The following PVT1 variants were observed in gnomAD, a reference collection of about 807,000 sequenced individuals.
PVT1 encodes the protein Pvt1 oncogene, also known as CXCR4/PVT1 fusion.
chr8:127,939,277 A>G (rs1816315620), intron 3 of PVT1, among the ~76,000 whole-genome samples: 1 of 152,130 alleles, frequency 6.6e-6, no homozygotes, highest in Non-Finnish European at 1.5e-5. Flanking sequence ...GTACCCTGAT[A>G]TGGGATGGTT....
chr8:128,045,805 T>C (rs534302611), intron 4 of PVT1, among the ~76,000 whole-genome samples: 1 of 152,340 alleles, frequency 6.6e-6, no homozygotes. Context: ...TGCCATGTTT[T>C]CCTTTCCTGT....
intron 2 of PVT1, among the ~76,000 whole-genome samples, chr8:127,799,473 G>A (rs1159622486): frequency 2.6e-5 from 4 of 152,224 alleles, no homozygotes; most frequent in African/African-American, 7.2e-5. Context: ...ACAGTCAACA[G>A]TCATTATCTT....
At chr8:127,935,973 G>A (rs768710700) in intron 3 of PVT1, among the ~76,000 whole-genome samples, 3 of 150,578 alleles carry the variant, frequency 2.0e-5, no homozygotes, top group Non-Finnish European at 3.0e-5. Context: ...GGTGGAAGTG[G>A]TTTGAATGAG....
At chr8:127,937,046 G>T (rs1045372964) in intron 3 of PVT1, among the ~76,000 whole-genome samples, 1 of 152,140 alleles carries the variant, frequency 6.6e-6, no homozygotes, top group Non-Finnish European at 1.5e-5. Flanking sequence ...TTTAAGTCCA[G>T]ACCAAGTCAC....
chr8:127,884,422 C>T (rs1815502588), intron 2 of PVT1, among the ~76,000 whole-genome samples: 1 of 152,226 alleles, frequency 6.6e-6, no homozygotes, highest in Non-Finnish European at 1.5e-5. Flanking sequence ...AATAGAGCTG[C>T]TGTGATATCC....
intron 2 of PVT1, among the ~76,000 whole-genome samples, chr8:127,861,953 C>T (rs562260702): frequency 3.3e-5 from 5 of 152,290 alleles, no homozygotes; most frequent in Non-Finnish European, 7.3e-5. Flanking sequence ...TTGGCAGAGC[C>T]ACCCACACCC....
At chr8:127,804,296 C>T (rs546085881) in intron 2 of PVT1, among the ~76,000 whole-genome samples, 4 of 152,202 alleles carry the variant, frequency 2.6e-5, no homozygotes, top group Admixed American at 2.0e-4. Context: ...GAGTTGAATA[C>T]AAACAATACA....
intron 2 of PVT1, among the ~76,000 whole-genome samples, chr8:127,820,484 T>C (rs1452885988): frequency 1.3e-5 from 2 of 152,184 alleles, no homozygotes; most frequent in Non-Finnish European, 2.9e-5. Context: ...ATGAACAGAA[T>C]GGTTCATTAA....
chr8:127,915,561 G>A (rs546648499), intron 3 of PVT1, among the ~76,000 whole-genome samples: 1 of 139,096 alleles, frequency 7.2e-6, no homozygotes, highest in East Asian at 2.1e-4. Context: ...GTGGTGAGCC[G>A]AGATTGCATC....
At chr8:128,049,692 G>A (rs950578483) in intron 4 of PVT1, among the ~76,000 whole-genome samples, 9 of 152,228 alleles carry the variant, frequency 5.9e-5, no homozygotes, top group African/African-American at 1.9e-4. Flanking sequence ...CAGGCGGGGA[G>A]TGAGGTCAGG....
At chr8:127,978,494 A>G (rs1179936154) in intron 3 of PVT1, among the ~76,000 whole-genome samples, 1 of 148,990 alleles carries the variant, frequency 6.7e-6, no homozygotes, top group Non-Finnish European at 1.5e-5. Flanking sequence ...TATTATTATT[A>G]TTATTAAACG....
At chr8:127,846,980 CTTTTTT>C (rs34437112) in intron 2 of PVT1, among the ~76,000 whole-genome samples, 1 of 62,428 alleles carries the variant, frequency 1.6e-5, no homozygotes, top group Non-Finnish European at 2.9e-5. Context: ...TGCACATGGC[CTTTTTT>C]TTTTTTTTTT....
intron 3 of PVT1, among the ~76,000 whole-genome samples, chr8:127,893,311 CTA>C (rs1463915525): frequency 6.6e-6 from 1 of 152,112 alleles, no homozygotes; most frequent in African/African-American, 2.4e-5. Flanking sequence ...GAGTCTTACT[CTA>C]TCATCCAGGC....
chr8:128,044,555 T>C (rs1211645671), intron 4 of PVT1, among the ~76,000 whole-genome samples: 1 of 152,190 alleles, frequency 6.6e-6, no homozygotes, highest in East Asian at 1.9e-4. Context: ...AAATCATTAC[T>C]ACCTCCCTGC....
chr8:128,048,384 C>T (rs2130100311), intron 4 of PVT1: 1 of 152,392 alleles, frequency 6.6e-6, no homozygotes, highest in Admixed American at 6.5e-5. Flanking sequence ...TGGGTACTAT[C>T]CCTGGCCTCC....
chr8:128,068,577 A>T (rs1184329666), intron 4 of PVT1, among the ~76,000 whole-genome samples: 2 of 152,120 alleles, frequency 1.3e-5, no homozygotes, highest in Non-Finnish European at 2.9e-5. Flanking sequence ...GCTCACTGCA[A>T]TCTCCGACTT....
intron 3 of PVT1, among the ~76,000 whole-genome samples, chr8:127,895,472 C>CAAATAAAT (rs34734882): frequency 6.6e-6 from 1 of 151,678 alleles, no homozygotes; most frequent in African/African-American, 2.4e-5. Context: ...CTCCATCTCC[C>CAAATAAAT]AAATAAATAA....
At chr8:127,825,177 G>A (rs1814773869) in intron 2 of PVT1, among the ~76,000 whole-genome samples, 1 of 148,508 alleles carries the variant, frequency 6.7e-6, no homozygotes, top group East Asian at 2.0e-4. Context: ...ATAATGTTGA[G>A]ATGAGTGTTT....
chr8:127,931,873 G>C (rs375468374), intron 3 of PVT1, among the ~76,000 whole-genome samples: 1 of 152,386 alleles, frequency 6.6e-6, no homozygotes, highest in Non-Finnish European at 1.5e-5. Context: ...GAAAGTGAGA[G>C]GGGTGCCTAT....
Sources: gnomAD v4.1 joint callset for allele counts (sites outside exome capture counted in the v4.1 genomes callset) on GRCh38, gnomAD v4.1.1 for gene constraint, MANE v1.5 for transcripts, NCBI Gene and HGNC (gene_info 2026-07-23, HGNC 2026-07-21) for gene names.